ARPC3: variants seen among roughly 807,000 people sequenced by gnomAD.
The protein encoded by ARPC3 is actin-related protein 2/3 complex subunit 3.
Under a neutral mutation model 27.6 loss-of-function variants are expected in ARPC3, and 12 were observed. That is an observed-to-expected ratio of 0.43 (90% CI 0.28 to 0.70). The LOEUF is 0.70. Ranked by LOEUF, ARPC3 falls within the 30% of genes least tolerant of loss-of-function variation. ARPC3 has a pLI of 0.17. For synonymous variants in ARPC3, 53 were observed against 67.2 expected (o/e 0.79, Z 1.03); for missense variants, 153 against 207.7 (o/e 0.74, Z 1.62).
Position 110,436,609 on chromosome 12 carries a change from A to G in ARPC3, c.327T>C (p.Pro109=), listed in dbSNP as rs766886826. The G allele has an allele frequency of 6.2e-7, 1 of 1,613,434 alleles. No homozygotes were observed. The highest frequency in any genetic ancestry group is 1.7e-5 in the Admixed American group (1 of 59,922). The change falls in exon 5 of 7, where the codon CCT becomes CCC. Residue 109 remains proline, a synonymous_variant. Coordinates refer to ENST00000228825, the MANE Select transcript of ARPC3 (RefSeq NM_001278556.2). ...GITNFPIPGE[P]GFPLNAIYAK... ...CATAAATTGCGTTAAGTGGAAAACC[A>G]GGCTCTCCAGGAATGGGAAAATTAG...
Position 110,435,109 on chromosome 12 carries a change from A to T in ARPC3, c.*46T>A. On this transcript the variant is annotated 3_prime_UTR_variant, in exon 7 of 7. Coordinates refer to ENST00000228825, the MANE Select transcript of ARPC3 (RefSeq NM_001278556.2). ...CAAAAGATTGTGTACATCTTGCTGG[A>T]AAATGCTGCCCAGGGCTCTGGAGAC... is the stretch of plus-strand genomic sequence containing the variant. 6.8e-7 allele frequency: 1 copy of T among 1,477,830 alleles called. No individual in the cohort carries two copies. The highest frequency in any genetic ancestry group is 9.5e-7 in the Non-Finnish European group (1 of 1,056,758). The allele number at this position is 1,477,830 out of a possible 1,614,324, so 91.5% of individuals were successfully genotyped here. A position where few individuals can be genotyped will look rare whatever the true frequency, so the allele number is the denominator to read the frequency against.
intron 2 of ARPC3, 124 bp downstream of exon 2, chr12:110,445,328 A>C: frequency 1.3e-6 from 1 of 768,768 alleles, no homozygotes; most frequent in South Asian, 1.4e-5. Flanking sequence ...CACAGTATCT[A>C]CCAAGCAAAG....
In ARPC3 at chr12:110,436,698, ATATATAT is replaced by A. The variant is rs777541688; in HGVS notation, c.253-22_253-16del. The A allele has an allele frequency of 2.0e-5, 13 of 642,136 alleles. 2 individuals are homozygous for A. Among genetic ancestry groups the A allele is most frequent in the African/African-American group, 5.6e-5 (2 of 35,732 alleles). The allele number at this position is 642,136 out of a possible 1,614,324, so 39.8% of individuals were successfully genotyped here. A position where few individuals can be genotyped will look rare whatever the true frequency, so the allele number is the denominator to read the frequency against. The stretch of plus-strand genomic sequence containing the variant: ...TTGGAATTGCACTGGAAAAAAAAAT[ATATATAT>A]ATATATACACACACACACACACACA... On this transcript the variant is annotated splice_polypyrimidine_tract_variant and intron_variant, in intron 4 of 6. Transcript: ENST00000228825.
At chr12:110,447,553 T>A (rs747346079) in intron 1 of ARPC3, among the ~76,000 whole-genome samples, 2 of 152,070 alleles carry the variant, frequency 1.3e-5, no homozygotes, top group Admixed American at 1.3e-4. Flanking sequence ...GGCGGACAGA[T>A]CACAAGGCCA....
chr12:110,440,197 T>A, intron 3 of ARPC3, 115 bp downstream of exon 3: 1 of 769,510 alleles, frequency 1.3e-6, no homozygotes, highest in Non-Finnish European at 2.2e-6. Flanking sequence ...TGCTCTCGAA[T>A]TTAAAAATTA....
Position 110,436,215 on chromosome 12 carries a change from A to C in ARPC3, c.380-11T>G. 3.7e-6 allele frequency: 6 copies of C among 1,604,994 alleles called. No individual in the cohort carries two copies. Among genetic ancestry groups the C allele is most frequent in the Non-Finnish European group, 5.1e-6 (6 of 1,172,046 alleles). On this transcript the variant is annotated splice_polypyrimidine_tract_variant and intron_variant, in intron 5 of 6. Transcript: ENST00000228825. ...AGGCTCTCATCACTTCTAAAACAGAACAATTTAAAAAAAACTGTATTTGCA... is the reference window on the plus strand; with the variant it reads ...AGGCTCTCATCACTTCTAAAACAGACCAATTTAAAAAAAACTGTATTTGCA...
chr12:110,440,291 A>T (rs762634890), intron 3 of ARPC3, 21 bp downstream of exon 3: 1 of 1,541,874 alleles, frequency 6.5e-7, no homozygotes, highest in South Asian at 1.1e-5. Flanking sequence ...TAAGTTAAAT[A>T]TTAAAAGCTC....
chr12:110,449,895 AAGG>A (rs577973311), intron 1 of ARPC3, among the ~76,000 whole-genome samples: 78 of 152,306 alleles, frequency 5.1e-4, no homozygotes, highest in African/African-American at 1.7e-3. Context: ...CTGACAGAAA[AAGG>A]AGAAGCTAGA....
At chr12:110,436,397 G>T in intron 5 of ARPC3, 160 bp downstream of exon 5, 1 of 1,328,260 alleles carries the variant, frequency 7.5e-7, no homozygotes, top group Non-Finnish European at 1.1e-6. Flanking sequence ...CATCCTTGTT[G>T]CCAAGAATCG....
chr12:110,444,383 C>G (rs552494871), intron 2 of ARPC3, among the ~76,000 whole-genome samples: 19 of 151,828 alleles, frequency 1.3e-4, no homozygotes, highest in African/African-American at 4.1e-4. Flanking sequence ...CCTCTGTGTT[C>G]AAGCGATTCT....
At chr12:110,441,780 C>A (rs2062438800) in intron 2 of ARPC3, among the ~76,000 whole-genome samples, 1 of 151,716 alleles carries the variant, frequency 6.6e-6, no homozygotes, top group South Asian at 2.1e-4. Context: ...CCTGTAATCC[C>A]AACACTTTGG....
At chr12:110,448,778 CGGG>C (rs34430437) in intron 1 of ARPC3, among the ~76,000 whole-genome samples, 36 of 12,568 alleles carry the variant, frequency 2.9e-3, no homozygotes, top group African/African-American at 4.4e-3. Context: ...TCTTTTTTTC[CGGG>C]GGGGGGGGGG....
intron 1 of ARPC3, among the ~76,000 whole-genome samples, chr12:110,446,920 T>C (rs1033290263): frequency 1.3e-5 from 2 of 152,226 alleles, no homozygotes; most frequent in African/African-American, 4.8e-5. Context: ...ACCTAATTTT[T>C]AAAAATTACA....
chr12:110,438,193 G>A (rs903392244), intron 3 of ARPC3, among the ~76,000 whole-genome samples: 2 of 151,824 alleles, frequency 1.3e-5, no homozygotes, highest in Admixed American at 6.6e-5. Context: ...CTGCTAGGGA[G>A]GCTAAGGCCA....
At chr12:110,440,533 GT>G (rs1280638105) in intron 2 of ARPC3, 145 bp from the exon 3 acceptor site, 1 of 662,314 alleles carries the variant, frequency 1.5e-6, no homozygotes, top group East Asian at 2.8e-5. Context: ...GAAATACAAA[GT>G]TTTTAGAAAA....
chr12:110,440,248 A>G, intron 3 of ARPC3, 64 bp downstream of exon 3: 2 of 1,115,178 alleles, frequency 1.8e-6, no homozygotes, highest in South Asian at 1.3e-5. Context: ...AGCAATCTGG[A>G]TAGCAAGGTT....
intron 3 of ARPC3, among the ~76,000 whole-genome samples, chr12:110,438,780 A>G (rs35163997): frequency 0.14 from 21,061 of 148,682 alleles, 2,187 homozygotes; most frequent in African/African-American, 0.3. Flanking sequence ...AGTAGCTGGG[A>G]TTACAGGCAC....
chr12:110,442,743 T>C (rs2062444958), intron 2 of ARPC3: 1 of 152,204 alleles, frequency 6.6e-6, no homozygotes, highest in Non-Finnish European at 1.5e-5. Context: ...GATACACATC[T>C]TTCTTTTTAT....
At chr12:110,446,116 G>A (rs1243346143) in intron 1 of ARPC3, among the ~76,000 whole-genome samples, 1 of 148,766 alleles carries the variant, frequency 6.7e-6, no homozygotes, top group African/African-American at 2.5e-5. Context: ...AAAAAAAAAA[G>A]TAAATAATGT....
Sources: gnomAD v4.1 joint callset for allele counts (sites outside exome capture counted in the v4.1 genomes callset) on GRCh38, gnomAD v4.1.1 for gene constraint, MANE v1.5 for transcripts, NCBI Gene and HGNC (gene_info 2026-07-23, HGNC 2026-07-21) for gene names.